CALN1: variants seen among roughly 807,000 people sequenced by gnomAD.
CALN1 encodes calneuron 1.
Under a neutral mutation model 30.6 loss-of-function variants are expected in CALN1, and 17 were observed. The observed-to-expected ratio is 0.56, with a 90% CI of 0.38 to 0.83. The LOEUF is 0.83. Among genes scored for constraint, CALN1 ranks in the 40% least tolerant of loss-of-function variants. The pLI is 0.00. For missense variants in CALN1, 291 were observed against 354.9 expected (o/e 0.82, Z 1.45); for synonymous variants, 156 against 131.4 (o/e 1.19, Z -1.28).
intron 3 of CALN1, among the ~76,000 whole-genome samples, chr7:72,147,325 A>G (rs943215269): frequency 6.6e-6 from 1 of 152,072 alleles, no homozygotes; most frequent in African/African-American, 2.4e-5. Context: ...GACACTTCTC[A>G]AAAGAAGACA....
At chr7:72,211,508 T>C (rs1310025372) in intron 3 of CALN1, among the ~76,000 whole-genome samples, 3 of 152,014 alleles carry the variant, frequency 2.0e-5, no homozygotes, top group Non-Finnish European at 4.4e-5. Context: ...ATGAACTTAC[T>C]CCTATCATAG....
chr7:72,262,217 A>C (rs1796314384), intron 3 of CALN1, among the ~76,000 whole-genome samples: 1 of 152,212 alleles, frequency 6.6e-6, no homozygotes, highest in African/African-American at 2.4e-5. Context: ...TAACTTTAAA[A>C]GGAGATCTAT....
At chr7:72,230,807 G>C (rs555233776) in intron 3 of CALN1, among the ~76,000 whole-genome samples, 1 of 152,322 alleles carries the variant, frequency 6.6e-6, no homozygotes, top group South Asian at 2.1e-4. Context: ...ATTGGTTACA[G>C]CAACCACAGA....
Position 72,106,217 on chromosome 7 carries a change from G to A in CALN1, c.322C>T (p.Arg108Cys), listed in dbSNP as rs765303847. The change falls in exon 4 of 7, where the codon CGC becomes TGC. Residue 108 changes from arginine (R) to cysteine (C), a missense_variant. Arg to Cys is a radical substitution (Grantham distance 180, BLOSUM62 -3). Around this residue, in one of 2 missense-constraint regions of CALN1, gnomAD observed 169 missense variants for 251.7 expected, o/e 0.67. Transcript: ENST00000395275. ...TCGCTTGGCATGTACCCCAAAGAGCGCATGGCCATGCCCAGCTCCTGCTTG... is the reference window on the plus strand; with the variant it reads ...TCGCTTGGCATGTACCCCAAAGAGCACATGGCCATGCCCAGCTCCTGCTTG... ...ISKQELGMAM[R>C]SLGYMPSEVE... 5.6e-6 allele frequency: 9 copies of A among 1,613,920 alleles called. No individual in the cohort carries two copies. The highest frequency in any genetic ancestry group is 3.3e-5 in the Admixed American group (2 of 59,992).
intron 3 of CALN1, among the ~76,000 whole-genome samples, chr7:72,161,454 T>C (rs1172721716): frequency 6.6e-6 from 1 of 152,240 alleles, no homozygotes; most frequent in Non-Finnish European, 1.5e-5. Context: ...AGTGGCTTTC[T>C]ACCCCAGATT....
chr7:72,470,126 T>C, the CALN1 span, among the ~76,000 whole-genome samples: 19,409 of 152,206 alleles, frequency 0.13, 2,518 homozygotes, highest in African/African-American at 0.33. Context: ...GCTCTGAACA[T>C]GGTAGGCCAC....
intron 5 of CALN1, among the ~76,000 whole-genome samples, chr7:72,001,566 TA>T (rs1799529983): frequency 6.6e-6 from 1 of 152,162 alleles, no homozygotes; most frequent in Non-Finnish European, 1.5e-5. Flanking sequence ...TGCCAACATA[TA>T]AAACCCTAAG....
rs1562835939 is a variant in CALN1, at chr7:71,847,836, AGAAGG to A, written c.502-37349_502-37345del. ...GAGAAGGAGAAGGAGAAGGAGAAGGAGAAGGAGAAGGAGAAGAAGAAGAGGAAAGT... is the reference window on the plus strand; with the variant it reads ...GAGAAGGAGAAGGAGAAGGAGAAGGAAGAAGGAGAAGAAGAAGAGGAAAGT... On this transcript the variant is annotated intron_variant, in intron 5 of 6. Transcript: ENST00000395275. Among the ~76,000 whole-genome samples the A allele has an allele frequency of 1.9e-3, 181 of 97,734 alleles. 1 individual carries two copies. Among genetic ancestry groups the A allele is most frequent in the African/African-American group, 9.2e-3 (178 of 19,434 alleles). 64.1% of individuals were successfully genotyped at this position (97,734 alleles called of 152,430 possible).
chr7:72,261,295 G>A (rs531299559), intron 3 of CALN1, among the ~76,000 whole-genome samples: 19 of 152,012 alleles, frequency 1.2e-4, no homozygotes, highest in Admixed American at 7.9e-4. Flanking sequence ...GTGACAGAGC[G>A]AGACTCTGTC....
At chr7:72,108,918 T>C (rs1169416173) in intron 3 of CALN1, among the ~76,000 whole-genome samples, 1 of 152,186 alleles carries the variant, frequency 6.6e-6, no homozygotes, top group African/African-American at 2.4e-5. Flanking sequence ...CGCAAAACTG[T>C]CTTTGCTCAC....
At chr7:72,156,056 A>G (rs1026694364) in intron 3 of CALN1, among the ~76,000 whole-genome samples, 8 of 152,148 alleles carry the variant, frequency 5.3e-5, no homozygotes, top group African/African-American at 1.9e-4. Context: ...AAGGTAACAT[A>G]TTCAGAGGTT....
intron 5 of CALN1, among the ~76,000 whole-genome samples, chr7:71,972,299 G>A (rs1484054611): frequency 2.0e-5 from 3 of 152,142 alleles, no homozygotes; most frequent in Non-Finnish European, 4.4e-5. Flanking sequence ...TTTGTTGCAC[G>A]CTCAGGGAGA....
rs138705911 is a variant in CALN1 at position 71,790,015 on chromosome 7, G to A, written c.659-2113C>T. Among the ~76,000 whole-genome samples the A allele has an allele frequency of 2.1e-3, 322 of 151,944 alleles. 4 individuals carry two copies. In the South Asian group the frequency reaches 0.032, roughly 15 times the overall value. On this transcript the variant is annotated intron_variant, in intron 6 of 6. Coordinates refer to ENST00000395275, the MANE Select transcript of CALN1 (RefSeq NM_031468.4). The stretch of plus-strand genomic sequence containing the variant: ...GCTAGTTGGGAGGCTGAGGCAGAAG[G>A]ATCGCTTGAGCCCAAGAGCTCAGGG...
chr7:72,158,566 C>T (rs1249253154), intron 3 of CALN1, among the ~76,000 whole-genome samples: 2 of 152,178 alleles, frequency 1.3e-5, no homozygotes, highest in Non-Finnish European at 2.9e-5. Context: ...CAATCATGGC[C>T]ACTGAGACCT....
At chr7:71,873,001 A>ATTTTTTTTT (rs371153112) in intron 5 of CALN1, among the ~76,000 whole-genome samples, 19 of 115,620 alleles carry the variant, frequency 1.6e-4, no homozygotes, top group African/African-American at 5.0e-4. Flanking sequence ...GTTTGTGACA[A>ATTTTTTTTT]TTTTTTTTTT....
At chr7:72,394,675 T>G (rs1202436646) in intron 2 of CALN1, among the ~76,000 whole-genome samples, 3 of 151,920 alleles carry the variant, frequency 2.0e-5, no homozygotes, top group African/African-American at 7.3e-5. Context: ...TTTTTTTTTT[T>G]TTTTGAGACA....
At chr7:71,999,239 G>A (rs557475352) in intron 5 of CALN1, among the ~76,000 whole-genome samples, 18 of 152,064 alleles carry the variant, frequency 1.2e-4, no homozygotes, top group African/African-American at 4.1e-4. Context: ...AAGCAAAGAG[G>A]GACATTATAT....
intron 3 of CALN1, among the ~76,000 whole-genome samples, chr7:72,215,124 T>G (rs989688255): frequency 6.6e-6 from 1 of 152,144 alleles, no homozygotes; most frequent in East Asian, 1.9e-4. Flanking sequence ...GCATCTTCCA[T>G]GAAACCAGTC....
At chr7:72,020,576 G>C (rs1481880110) in intron 5 of CALN1, among the ~76,000 whole-genome samples, 2 of 152,146 alleles carry the variant, frequency 1.3e-5, no homozygotes, top group African/African-American at 4.8e-5. Flanking sequence ...TTCTGAGCTG[G>C]GTGAGCACTA....
Sources: allele counts gnomAD v4.1 joint callset (sites outside exome capture counted in the v4.1 genomes callset), GRCh38; gene constraint gnomAD v4.1.1; regional missense constraint gnomAD v4.1.1; transcripts MANE v1.5; gene names NCBI Gene and HGNC (gene_info 2026-07-23, HGNC 2026-07-21).